EML6: variants seen among roughly 807,000 people sequenced by gnomAD.
EML6 encodes echinoderm microtubule-associated protein-like 6.
In EML6, 154 loss-of-function variants were observed where a neutral mutation model predicts 240.1. The observed-to-expected ratio is 0.64, with a 90% confidence interval of 0.56 to 0.73. EML6 has a LOEUF of 0.73. Among genes scored for constraint, EML6 ranks in the 30% least tolerant of loss-of-function variants. The pLI is 0.00. For missense variants in EML6, 2,964 were observed against 2,474.6 expected (o/e 1.20, Z -4.20); for synonymous variants, 1,148 against 899.0 (o/e 1.28, Z -4.95).
At chr2:54,803,256 G>A (rs571937410) in intron 2 of EML6, among the ~76,000 whole-genome samples, 19 of 152,236 alleles carry the variant, frequency 1.2e-4, no homozygotes, top group African/African-American at 4.3e-4. Context: ...TTGGAAGCAA[G>A]TTTCATGAAC....
rs550147127 is a variant in EML6, at chr2:54,952,487, C to G, written c.4214-107C>G. On this transcript the variant is annotated intron_variant, in intron 30 of 41. Coordinates refer to ENST00000356458, the MANE Select transcript of EML6 (RefSeq NM_001039753.4). ...GAAGTGAGAATTTGAGGGCTGTAAG[C>G]TCTCACTTTTATAAGAAGTATCCAA... is the stretch of plus-strand genomic sequence containing the variant. 15 of 638,132 alleles carry G rather than the reference C, an allele frequency of 2.4e-5. No homozygotes were observed. In the Admixed American group the frequency reaches 3.0e-4, roughly 13 times the overall value. The allele number at this position is 638,132 out of a possible 1,614,324, so 39.5% of individuals were successfully genotyped here. A position where few individuals can be genotyped will look rare whatever the true frequency, so the allele number is the denominator to read the frequency against.
intron 4 of EML6, among the ~76,000 whole-genome samples, chr2:54,817,779 A>C (rs1001349297): frequency 1.3e-5 from 2 of 151,988 alleles, no homozygotes; most frequent in Non-Finnish European, 2.9e-5. Flanking sequence ...CATGAAATTC[A>C]CTGTCTCTTG....
chr2:54,737,885 C>G (rs1683466926), intron 2 of EML6, among the ~76,000 whole-genome samples: 1 of 152,132 alleles, frequency 6.6e-6, no homozygotes, highest in Admixed American at 6.5e-5. Flanking sequence ...ATTCCTTGAT[C>G]CACTCCAGCC....
intron 4 of EML6, among the ~76,000 whole-genome samples, chr2:54,817,429 C>G (rs1465892841): frequency 6.6e-6 from 1 of 152,132 alleles, no homozygotes; most frequent in African/African-American, 2.4e-5. Flanking sequence ...TTGCCAGTGT[C>G]TTGCATAATT....
At chr2:54,861,302 G>A (rs1374057680) in intron 12 of EML6, among the ~76,000 whole-genome samples, 1 of 152,198 alleles carries the variant, frequency 6.6e-6, no homozygotes, top group Non-Finnish European at 1.5e-5. Context: ...TAATGAACTA[G>A]CTCTGGAAAT....
At chr2:54,791,792 G>C (rs1001323949) in intron 2 of EML6, among the ~76,000 whole-genome samples, 2 of 152,108 alleles carry the variant, frequency 1.3e-5, no homozygotes, top group African/African-American at 2.4e-5. Flanking sequence ...TCCAGCCCTG[G>C]ATTATACTAC....
At chr2:54,914,828 C>G (rs1673825591) in intron 25 of EML6, among the ~76,000 whole-genome samples, 1 of 151,964 alleles carries the variant, frequency 6.6e-6, no homozygotes, top group South Asian at 2.1e-4. Context: ...TAATAAAAAG[C>G]TTACCCAGCA....
At chr2:54,793,812 G>T (rs1669604534) in intron 2 of EML6, among the ~76,000 whole-genome samples, 1 of 152,150 alleles carries the variant, frequency 6.6e-6, no homozygotes, top group African/African-American at 2.4e-5. Context: ...ACCTCCTGGT[G>T]CCTGGAATGC....
chr2:54,825,861 C>T (rs948072963), intron 5 of EML6, among the ~76,000 whole-genome samples: 1 of 152,154 alleles, frequency 6.6e-6, no homozygotes, highest in Admixed American at 6.5e-5. Flanking sequence ...TCCTCTCCTA[C>T]AGGTGTAAAA....
chr2:54,824,164 T>C (rs2104135958), intron 5 of EML6, among the ~76,000 whole-genome samples: 1 of 152,266 alleles, frequency 6.6e-6, no homozygotes, highest in East Asian at 1.9e-4. Flanking sequence ...TTCCTTCCTA[T>C]CTCTTTCTGT....
chr2:54,814,671 C>T (rs1350593492), intron 3 of EML6, among the ~76,000 whole-genome samples: 1 of 152,202 alleles, frequency 6.6e-6, no homozygotes, highest in Admixed American at 6.5e-5. Context: ...AACTGAAAGT[C>T]TGTGGGAAAT....
At chr2:54,940,659 G>T (rs1001117270) in intron 28 of EML6, among the ~76,000 whole-genome samples, 31 of 152,208 alleles carry the variant, frequency 2.0e-4, no homozygotes, top group Non-Finnish European at 3.7e-4. Flanking sequence ...AAGATGCTGT[G>T]CAAGTCCATT....
chr2:54,728,715 G>A (rs1261605858), intron 2 of EML6, among the ~76,000 whole-genome samples: 1 of 152,114 alleles, frequency 6.6e-6, no homozygotes, highest in African/African-American at 2.4e-5. Flanking sequence ...ATTCTTAGTT[G>A]TGGTAGAAGT....
intron 28 of EML6, among the ~76,000 whole-genome samples, chr2:54,933,572 A>C (rs1003856322): frequency 8.5e-5 from 13 of 152,048 alleles, no homozygotes; most frequent in African/African-American, 2.9e-4. Context: ...TGTCTCTCCT[A>C]AAAATACAAA....
At chr2:54,883,423 C>T (rs1409820554) in intron 17 of EML6, among the ~76,000 whole-genome samples, 3 of 152,126 alleles carry the variant, frequency 2.0e-5, no homozygotes, top group Non-Finnish European at 2.9e-5. Context: ...CTGTTAAAGG[C>T]TACTGCCACA....
In EML6 at chr2:54,967,023, C is replaced by G; in HGVS notation, c.5517C>G (p.Arg1839=). 2 of 1,551,310 alleles carry G rather than the reference C, an allele frequency of 1.3e-6. No individual in the cohort carries two copies. The highest frequency in any genetic ancestry group is 1.7e-6 in the Non-Finnish European group (2 of 1,146,752). Residue 1839 remains arginine (R), a synonymous_variant, in exon 39 of 42, where the codon CGC becomes CGG. Transcript: ENST00000356458. ...AGGTGTCAACAGGTGCCTATAAGCG[C>G]CAGGTGCATGAGGTCCCCCTGGGGA... ...YIQVSTGAYK[R]QVHEVPLGKQ...
At chr2:54,857,897 G>A (rs569100445) in intron 11 of EML6, among the ~76,000 whole-genome samples, 2 of 152,238 alleles carry the variant, frequency 1.3e-5, no homozygotes, top group African/African-American at 2.4e-5. Flanking sequence ...TAAGGCCTAA[G>A]TATTAATGAC....
chr2:54,915,990 T>G (rs917435860), intron 25 of EML6, among the ~76,000 whole-genome samples: 1 of 152,218 alleles, frequency 6.6e-6, no homozygotes, highest in Non-Finnish European at 1.5e-5. Flanking sequence ...CTCAGTCTTA[T>G]CAGGATTTAA....
intron 17 of EML6, among the ~76,000 whole-genome samples, chr2:54,886,638 C>T (rs559234633): frequency 6.6e-6 from 1 of 152,156 alleles, no homozygotes; most frequent in African/African-American, 2.4e-5. Flanking sequence ...TTTATTATAG[C>T]CACCTCATCA....
Sources: gnomAD v4.1 joint callset for allele counts (sites outside exome capture counted in the v4.1 genomes callset) on GRCh38, gnomAD v4.1.1 for gene constraint, MANE v1.5 for transcripts, NCBI Gene and HGNC (gene_info 2026-07-23, HGNC 2026-07-21) for gene names.